Variants in DENND4A observed in about 807,000 individuals in gnomAD.
DENND4A encodes the protein C-myc promoter-binding protein.
A neutral mutation model predicts 199.3 loss-of-function variants in DENND4A; 70 were observed. The observed-to-expected ratio is 0.35, with a 90% CI of 0.29 to 0.43. DENND4A has a LOEUF of 0.43. Ranked by LOEUF, DENND4A falls within the 20% of genes least tolerant of loss-of-function variation. The pLI, the probability that DENND4A is intolerant of heterozygous loss-of-function variation, is 1.00. For synonymous variants in DENND4A, 686 were observed against 766.9 expected (o/e 0.89, Z 1.74); for missense variants, 1,723 against 2,255.8 (o/e 0.76, Z 4.78).
rs548930798 is a variant in DENND4A, at chr15:65,675,397, A to G, written c.4369+1048T>C. Reference sequence around the variant, plus strand: ...GAAAAACCTTTTCTAGCAACTCACAATCCAGAAGCAATAAGGGGAAAGACT... The same window carrying G: ...GAAAAACCTTTTCTAGCAACTCACAGTCCAGAAGCAATAAGGGGAAAGACT... On this transcript the variant is annotated intron_variant, in intron 24 of 32. Coordinates refer to ENST00000443035, the MANE Select transcript of DENND4A (RefSeq NM_001320835.1). Among the ~76,000 whole-genome samples the G allele has an allele frequency of 4.6e-5, 7 of 152,258 alleles. No individual in the cohort carries two copies. In the East Asian group the frequency reaches 7.7e-4, roughly 17 times the overall value.
chr15:65,749,200 G>A (rs1392575317), intron 4 of DENND4A, among the ~76,000 whole-genome samples: 1 of 152,000 alleles, frequency 6.6e-6, no homozygotes, highest in South Asian at 2.1e-4. Context: ...ATTCCAGGAC[G>A]AACCATAAGG....
intron 22 of DENND4A, among the ~76,000 whole-genome samples, chr15:65,693,940 ACTGT>A (rs1445515782): frequency 6.6e-6 from 1 of 152,096 alleles, no homozygotes; most frequent in Non-Finnish European, 1.5e-5. Context: ...CTGAATGAAT[ACTGT>A]CTATTAGGCA....
At chr15:65,782,278 C>T (rs2077454244) in intron 1 of DENND4A, among the ~76,000 whole-genome samples, 1 of 152,168 alleles carries the variant, frequency 6.6e-6, no homozygotes, top group Non-Finnish European at 1.5e-5. Context: ...AGGCTTTGCA[C>T]TTGATATTCC....
rs138629382 is a variant in DENND4A at position 65,688,645 on chromosome 15, T to C, written c.4179+1770A>G. 4.2e-3 allele frequency among the ~76,000 whole-genome samples: 634 copies of C among 152,314 alleles called. 3 individuals are homozygous for C. Among genetic ancestry groups the C allele is most frequent in the Non-Finnish European group, 7.3e-3 (495 of 68,016 alleles). ...GTCAAGGGGTAGGGTGAAACTTGTA[T>C]GGGATTCCCCTCAAACTTTCTGCAC... On this transcript the variant is annotated intron_variant, in intron 23 of 32. Transcript: ENST00000443035.
At chr15:65,697,537 G>A (rs1236294649) in intron 20 of DENND4A, among the ~76,000 whole-genome samples, 154 bp from the exon 21 acceptor site, 1 of 152,146 alleles carries the variant, frequency 6.6e-6, no homozygotes, top group Admixed American at 6.5e-5. Flanking sequence ...TACCCTTAAA[G>A]CATTAGTTTG....
rs148685051 is a variant in DENND4A at position 65,751,576 on chromosome 15, G to A, written c.561+803C>T. On this transcript the variant is annotated intron_variant, in intron 4 of 32. Transcript: ENST00000443035. The stretch of plus-strand genomic sequence containing the variant: ...AATGCTTTGAGGACTGAACCATGAG[G>A]CACTCCATTGTGTAGGGATGGGGAG... Among the ~76,000 whole-genome samples, 712 of 152,264 alleles carry A rather than the reference G, an allele frequency of 4.7e-3. 2 individuals are homozygous for A. The highest frequency in any genetic ancestry group is 0.024 in the Middle Eastern group (7 of 294).
chr15:65,693,140 T>C (rs985485602), intron 22 of DENND4A, among the ~76,000 whole-genome samples: 2 of 152,194 alleles, frequency 1.3e-5, no homozygotes, highest in Admixed American at 1.3e-4. Context: ...GGATGCTGCA[T>C]GCCTCTAACA....
At chr15:65,742,151 T>C (rs1306444656) in intron 4 of DENND4A, among the ~76,000 whole-genome samples, 1 of 152,238 alleles carries the variant, frequency 6.6e-6, no homozygotes, top group African/African-American at 2.4e-5. Flanking sequence ...GTTTCAGATA[T>C]TGCCAGGTTT....
At chr15:65,784,432 A>C (rs1487188629) in intron 1 of DENND4A, among the ~76,000 whole-genome samples, 1 of 151,224 alleles carries the variant, frequency 6.6e-6, no homozygotes, top group Non-Finnish European at 1.5e-5. Flanking sequence ...GACACTGGCA[A>C]CATGACGAGA....
At chr15:65,720,682 G>A (rs2075591738) in intron 12 of DENND4A, among the ~76,000 whole-genome samples, 1 of 151,678 alleles carries the variant, frequency 6.6e-6, no homozygotes, top group African/African-American at 2.4e-5. Context: ...AAAGTGCTGG[G>A]ATTACAGGTA....
chr15:65,784,536 T>G (rs2572212), intron 1 of DENND4A, among the ~76,000 whole-genome samples: 31,001 of 151,896 alleles, frequency 0.2, 4,216 homozygotes, highest in East Asian at 0.73. Context: ...AAACATATTT[T>G]ATAAGAAAAC....
chr15:65,759,146 C>T (rs138505741), intron 2 of DENND4A, among the ~76,000 whole-genome samples: 1 of 152,104 alleles, frequency 6.6e-6, no homozygotes. Flanking sequence ...CTGTATTCAT[C>T]ACTCAAATAT....
chr15:65,763,521 C>T (rs1286284516), intron 1 of DENND4A, among the ~76,000 whole-genome samples: 2 of 151,434 alleles, frequency 1.3e-5, no homozygotes, highest in Non-Finnish European at 2.9e-5. Context: ...CAAAAAATAC[C>T]AAAGTAGCCA....
chr15:65,663,739 G>C (rs1297326391), intron 32 of DENND4A, among the ~76,000 whole-genome samples: 1 of 151,880 alleles, frequency 6.6e-6, no homozygotes, highest in South Asian at 2.1e-4. Flanking sequence ...AGCCTCGACT[G>C]CCCAGGCTCA....
chr15:65,701,220 A>C, intron 18 of DENND4A, 28 bp from the exon 19 acceptor site: 2 of 1,483,466 alleles, frequency 1.3e-6, no homozygotes, highest in Non-Finnish European at 1.8e-6. Context: ...TAAAATAATT[A>C]GTAAAATAAT....
chr15:65,700,047 G>A (rs2074808822), intron 20 of DENND4A, among the ~76,000 whole-genome samples: 1 of 151,820 alleles, frequency 6.6e-6, no homozygotes, highest in South Asian at 2.1e-4. Flanking sequence ...AGATTTAGAA[G>A]TTGCAAAAAC....
intron 16 of DENND4A, 111 bp from the exon 17 acceptor site, chr15:65,702,622 AAT>A (rs1197445554): frequency 3.0e-6 from 3 of 1,005,362 alleles, no homozygotes; most frequent in East Asian, 5.2e-5. Flanking sequence ...TCCATAACAA[AAT>A]ATGTCTGTAA....
intron 5 of DENND4A, among the ~76,000 whole-genome samples, chr15:65,740,564 G>C (rs1476753527): frequency 1.3e-5 from 2 of 151,462 alleles, no homozygotes; most frequent in Non-Finnish European, 2.9e-5. Context: ...AGGAGTTCAA[G>C]GTTGCAGTGA....
chr15:65,760,689 G>C (rs967135318), intron 2 of DENND4A, among the ~76,000 whole-genome samples: 3 of 152,050 alleles, frequency 2.0e-5, no homozygotes, highest in Non-Finnish European at 4.4e-5. Flanking sequence ...AGGAGTTCAA[G>C]ACCAGCCTGG....
Sources: gnomAD v4.1 joint callset for allele counts (sites outside exome capture counted in the v4.1 genomes callset) on GRCh38, gnomAD v4.1.1 for gene constraint, MANE v1.5 for transcripts, NCBI Gene and HGNC (gene_info 2026-07-23, HGNC 2026-07-21) for gene names.